The following LIN52 variants were observed in gnomAD, a reference collection of about 807,000 sequenced individuals.
The protein encoded by LIN52 is lin-52 DREAM MuvB core complex component.
LIN52 carries 4 observed loss-of-function variants against 18.5 expected under a neutral mutation model. That is an observed-to-expected ratio of 0.22 (90% confidence interval 0.11 to 0.49). The LOEUF is 0.49. LIN52 is among the 20% of genes least tolerant of loss of function. LIN52 has a pLI of 0.97. For synonymous variants in LIN52, 34 were observed against 45.5 expected (o/e 0.75, Z 1.02); for missense variants, 102 against 139.5 (o/e 0.73, Z 1.35).
chr14:74,095,009 T>A (rs935333400), intron 2 of LIN52, among the ~76,000 whole-genome samples: 1 of 151,712 alleles, frequency 6.6e-6, no homozygotes, highest in Non-Finnish European at 1.5e-5. Flanking sequence ...AGACAGAGGC[T>A]CATCCTATCA....
At chr14:74,116,895 A>G (rs1466319660) in intron 5 of LIN52, among the ~76,000 whole-genome samples, 1 of 150,908 alleles carries the variant, frequency 6.6e-6, no homozygotes, top group Non-Finnish European at 1.5e-5. Flanking sequence ...ATACACCAGT[A>G]TGTTTTAATG....
chr14:74,124,288 A>T (rs1426228694), intron 5 of LIN52, among the ~76,000 whole-genome samples: 1 of 152,184 alleles, frequency 6.6e-6, no homozygotes, highest in Non-Finnish European at 1.5e-5. Flanking sequence ...TGTATGTAAG[A>T]TCTCTATAGT....
rs562931159 is a variant in LIN52 at position 74,133,956 on chromosome 14, A to G, written c.283+32718A>G. ...ACCCATGAGTTGGCTAATTTTTAAC[A>G]TGTAGTTAAGAAATGATTACAGCCT... On this transcript the variant is annotated intron_variant, in intron 5 of 5. Transcript: ENST00000555028. 2.4e-4 allele frequency among the ~76,000 whole-genome samples: 36 copies of G among 152,304 alleles called. No individual in the cohort carries two copies. In the South Asian group the frequency reaches 6.6e-3, roughly 28 times the overall value.
At chr14:74,173,221 C>T (rs979130981) in intron 5 of LIN52, among the ~76,000 whole-genome samples, 1 of 152,090 alleles carries the variant, frequency 6.6e-6, no homozygotes. Context: ...GAGTTTCGCT[C>T]TTGTTGCCCA....
intron 5 of LIN52, among the ~76,000 whole-genome samples, chr14:74,190,843 A>C (rs1378158525): frequency 6.6e-6 from 1 of 152,216 alleles, no homozygotes; most frequent in Non-Finnish European, 1.5e-5. Context: ...GGACCTTATT[A>C]CAGTTACACC....
At chr14:74,173,939 C>T (rs1395286687) in intron 5 of LIN52, among the ~76,000 whole-genome samples, 1 of 152,180 alleles carries the variant, frequency 6.6e-6, no homozygotes, top group Non-Finnish European at 1.5e-5. Flanking sequence ...TTCCTTTGTG[C>T]TTCAGGATAG....
At chr14:74,119,519 G>C (rs1266613513) in intron 5 of LIN52, among the ~76,000 whole-genome samples, 1 of 152,088 alleles carries the variant, frequency 6.6e-6, no homozygotes, top group Non-Finnish European at 1.5e-5. Context: ...TAGATCATAG[G>C]GGTATATGTA....
At chr14:74,101,347 T>A in intron 5 of LIN52, 109 bp downstream of exon 5, 1 of 645,624 alleles carries the variant, frequency 1.5e-6, no homozygotes, top group Non-Finnish European at 2.5e-6. Flanking sequence ...TCAGAAAGTA[T>A]ATTAGGGAAA....
chr14:74,165,054 A>C (rs2358628), intron 5 of LIN52, among the ~76,000 whole-genome samples: 86,018 of 151,912 alleles, frequency 0.57, 26,490 homozygotes, highest in Non-Finnish European at 0.68. Context: ...AAGTACAGAG[A>C]AAACCAAGCA....
intron 5 of LIN52, among the ~76,000 whole-genome samples, chr14:74,159,622 G>GA (rs2061215949): frequency 6.8e-6 from 1 of 147,260 alleles, no homozygotes; most frequent in African/African-American, 2.6e-5. Flanking sequence ...ACCCAGGCTA[G>GA]AAGCAGTGGC....
At chr14:74,114,175 AGTGTGTGTGTGTGTGTGTGTGTGT>A (rs55840907) in intron 5 of LIN52, 1 of 802,794 alleles carries the variant, frequency 1.2e-6, no homozygotes, top group African/African-American at 2.0e-5. Flanking sequence ...AACTGAGATT[AGTGTGTGTGTGTGTGTGTGTGTGT>A]GTGTGTGTGT....
intron 5 of LIN52, among the ~76,000 whole-genome samples, chr14:74,133,392 A>G (rs907404098): frequency 2.0e-5 from 3 of 152,216 alleles, no homozygotes; most frequent in African/African-American, 7.2e-5. Context: ...TCTAGTTTTC[A>G]GTAGTGGGGA....
At chr14:74,160,261 G>T (rs34231182) in intron 5 of LIN52, among the ~76,000 whole-genome samples, 2 of 152,052 alleles carry the variant, frequency 1.3e-5, no homozygotes, top group Non-Finnish European at 2.9e-5. Context: ...CAAAGAGAGA[G>T]GCCTGGAACA....
rs2060773968 is a variant in LIN52, at chr14:74,091,776, A to G, written c.94+470A>G. ...GTGACAGGGTGAGACTCTGTCTCAAAAAAAAAAAAAAAAAAAAAAAAGTTC... is the reference window on the plus strand; with the variant it reads ...GTGACAGGGTGAGACTCTGTCTCAAGAAAAAAAAAAAAAAAAAAAAAGTTC... On this transcript the variant is annotated intron_variant, in intron 2 of 5. Transcript: ENST00000555028. 1.7e-5 allele frequency among the ~76,000 whole-genome samples: 2 copies of G among 117,556 alleles called. 1 individual carries two copies. The allele number at this position is 117,556 out of a possible 152,430, so 77.1% of individuals were successfully genotyped here. A position where few individuals can be genotyped will look rare whatever the true frequency, so the allele number is the denominator to read the frequency against.
At chr14:74,178,519 G>A (rs2061303130) in intron 5 of LIN52, among the ~76,000 whole-genome samples, 2 of 150,742 alleles carry the variant, frequency 1.3e-5, no homozygotes, top group Admixed American at 6.6e-5. Context: ...GTGCAGTGGT[G>A]CGATTTTGGC....
intron 5 of LIN52, among the ~76,000 whole-genome samples, chr14:74,160,333 A>G (rs1473601484): frequency 6.6e-6 from 1 of 152,208 alleles, no homozygotes; most frequent in Non-Finnish European, 1.5e-5. Flanking sequence ...AAGCTGCTGT[A>G]TGATGTACTT....
In LIN52 at chr14:74,189,805, C is replaced by CT. The variant is rs559777175; in HGVS notation, c.284-9109dup. On this transcript the variant is annotated intron_variant, in intron 5 of 5. Coordinates refer to ENST00000555028, the MANE Select transcript of LIN52 (RefSeq NM_001024674.3). ...AATCTGTTGGTTGGATATTTCTGTC[C>CT]TTTTTTTTCTGTTATGAAAAGCCAT... Among the ~76,000 whole-genome samples, 664 of 151,930 alleles carry CT rather than the reference C, an allele frequency of 4.4e-3. 7 individuals carry two copies. Among genetic ancestry groups the CT allele is most frequent in the Non-Finnish European group, 6.8e-3 (463 of 67,942 alleles).
chr14:74,111,605 G>GGTAT (rs1257390796), intron 5 of LIN52, among the ~76,000 whole-genome samples: 7 of 128,468 alleles, frequency 5.4e-5, no homozygotes, highest in East Asian at 5.7e-4. Flanking sequence ...CCCTGCCCCT[G>GGTAT]GTATTTATTT....
At chr14:74,098,714 A>AT (rs1274467585) in intron 4 of LIN52, among the ~76,000 whole-genome samples, 1 of 151,784 alleles carries the variant, frequency 6.6e-6, no homozygotes, top group Non-Finnish European at 1.5e-5. Flanking sequence ...CGTCCAGCTA[A>AT]TTTTTGTAGT....
Sources: allele counts gnomAD v4.1 joint callset (sites outside exome capture counted in the v4.1 genomes callset), GRCh38; gene constraint gnomAD v4.1.1; transcripts MANE v1.5; gene names NCBI Gene and HGNC (gene_info 2026-07-23, HGNC 2026-07-21).